Variants in MEIG1 observed in about 807,000 individuals in gnomAD.
MEIG1 encodes meiosis expressed gene 1 protein homolog.
MEIG1 carries 12 observed loss-of-function variants against 11.3 expected under a neutral mutation model. The ratio of observed to expected loss-of-function variants is 1.07; its 90% confidence interval spans 0.68 to 1.73. MEIG1 has a LOEUF of 1.73. Ranked by LOEUF, MEIG1 falls within the 40% of genes most tolerant of loss-of-function variation. The probability of loss-of-function intolerance (pLI) is 0.00; values close to 1 mark genes in which losing one functional copy is unlikely to be tolerated. For missense variants in MEIG1, 119 were observed against 104.9 expected (o/e 1.13, Z -0.59); for synonymous variants, 41 against 33.2 (o/e 1.24, Z -0.81).
chr10:14,977,254 A>C (rs1009119159), downstream of MEIG1, among the ~76,000 whole-genome samples: 5 of 151,998 alleles, frequency 3.3e-5, no homozygotes, highest in African/African-American at 1.2e-4. Flanking sequence ...TGATACTCCC[A>C]ATGTCACAGA....
In MEIG1 at chr10:14,961,638, A is replaced by ATTTTTTTTTTTTTTTTTTT. The variant is rs34536061; in HGVS notation, c.-30+2084_-30+2102dup. Reference sequence around the variant, plus strand: ...AGGCAGCCGCCACCGCATCCGGCTAATTTTTTTTTTTTTTTTTTTTTAGTA... The same window carrying ATTTTTTTTTTTTTTTTTTT: ...AGGCAGCCGCCACCGCATCCGGCTAATTTTTTTTTTTTTTTTTTTTTTTTTTTTTTTTTTTTTTTTAGTA... On this transcript the variant is annotated intron_variant, in intron 1 of 2. Coordinates refer to ENST00000407572, the MANE Select transcript of MEIG1 (RefSeq NM_001080836.3). Among the ~76,000 whole-genome samples, 80 of 76,594 alleles carry ATTTTTTTTTTTTTTTTTTT rather than the reference A, an allele frequency of 1.0e-3. 16 individuals carry two copies. The highest frequency in any genetic ancestry group is 7.2e-3 in the East Asian group (21 of 2,900). 50.2% of individuals were successfully genotyped at this position (76,594 alleles called of 152,430 possible).
At chr10:14,981,030 G>A (rs765414784) in intron 1 of MEIG1, among the ~76,000 whole-genome samples, 6 of 152,146 alleles carry the variant, frequency 3.9e-5, no homozygotes, top group Non-Finnish European at 7.3e-5. Flanking sequence ...CAGGAGGGGA[G>A]TGTTCCATGG....
chr10:14,979,001 G>A lies in MEIG1; in HGVS notation n.66+6381G>A, dbSNP rs192422520. Reference sequence around the variant, plus strand: ...GTGACATAAATTAATGTCACCCGGCGTGTACACCTTGTGATATTATTCGTA... The same window carrying A: ...GTGACATAAATTAATGTCACCCGGCATGTACACCTTGTGATATTATTCGTA... On this transcript the variant is annotated intron_variant and non_coding_transcript_variant, in intron 1 of 2. Transcript: ENST00000467536. Among the ~76,000 whole-genome samples, 794 of 151,960 alleles carry A rather than the reference G, an allele frequency of 5.2e-3. 4 individuals are homozygous for A. The highest frequency in any genetic ancestry group is 0.018 in the African/African-American group (754 of 41,414).
intron 2 of MEIG1, among the ~76,000 whole-genome samples, chr10:14,972,099 C>G (rs1434780510): frequency 6.6e-6 from 1 of 151,986 alleles, no homozygotes; most frequent in Non-Finnish European, 1.5e-5. Flanking sequence ...ACTGCAACCC[C>G]TGCCTCCAGA....
upstream of MEIG1, among the ~76,000 whole-genome samples, chr10:14,956,655 A>T (rs1440079596): frequency 6.6e-6 from 1 of 152,222 alleles, no homozygotes; most frequent in Non-Finnish European, 1.5e-5. Flanking sequence ...AAGCTGCTGC[A>T]ATACTGCAGG....
chr10:14,956,672 G>GA (rs1161012759), upstream of MEIG1, among the ~76,000 whole-genome samples: 2 of 152,222 alleles, frequency 1.3e-5, no homozygotes, highest in African/African-American at 4.8e-5. Flanking sequence ...CAGGAAATGT[G>GA]ATGGTGAAGC....
chr10:14,965,127 T>C (rs544069429), intron 1 of MEIG1, among the ~76,000 whole-genome samples: 1 of 152,234 alleles, frequency 6.6e-6, no homozygotes, highest in East Asian at 1.9e-4. Flanking sequence ...CTTTTAAACA[T>C]AATGAGCATT....
At chr10:14,970,629 C>G (rs116194002) in intron 2 of MEIG1, 1 of 152,214 alleles carries the variant, frequency 6.6e-6, no homozygotes, top group African/African-American at 2.4e-5. Context: ...GAAGGCCTGC[C>G]AAGGCTTCTC....
chr10:14,958,314 T>G (rs755037309), upstream of MEIG1, among the ~76,000 whole-genome samples: 8 of 152,366 alleles, frequency 5.3e-5, no homozygotes, highest in Non-Finnish European at 8.8e-5. Flanking sequence ...GTTTTTTGTT[T>G]TTAGTTTTAC....
chr10:14,975,795 G>A (rs1843203632), downstream of MEIG1, among the ~76,000 whole-genome samples: 2 of 152,086 alleles, frequency 1.3e-5, no homozygotes, highest in South Asian at 2.1e-4. Flanking sequence ...CGCATGGGAT[G>A]GACACGCCCC....
intron 2 of MEIG1, among the ~76,000 whole-genome samples, chr10:14,969,273 C>A (rs1165734020): frequency 6.6e-6 from 1 of 150,922 alleles, no homozygotes; most frequent in African/African-American, 2.4e-5. Context: ...ATAGTGAGAA[C>A]CCATTTCTAC....
intron 1 of MEIG1, among the ~76,000 whole-genome samples, chr10:14,981,864 G>C (rs1458087898): frequency 6.6e-6 from 1 of 152,182 alleles, no homozygotes; most frequent in Non-Finnish European, 1.5e-5. Flanking sequence ...TCTTTGGGGG[G>C]ACCCCTCTGA....
intron 1 of MEIG1, among the ~76,000 whole-genome samples, chr10:14,984,262 G>T (rs1009937594): frequency 5.3e-5 from 8 of 151,598 alleles, no homozygotes; most frequent in Non-Finnish European, 1.0e-4. Flanking sequence ...GGAGAGGGGG[G>T]TGATATTACT....
Position 14,972,803 on chromosome 10 carries a change from T to A in MEIG1, c.*162T>A. 1.6e-6 allele frequency: 1 copy of A among 635,820 alleles called. No homozygotes were observed. Among genetic ancestry groups the A allele is most frequent in the South Asian group, 2.0e-5 (1 of 48,936 alleles). 39.4% of individuals were successfully genotyped at this position (635,820 alleles called of 1,614,324 possible). ...GAATTGGTATCTGCTAATCACCTTG[T>A]CCTGTTCTAAGAACTGGCTGCAGAT... On this transcript the variant is annotated 3_prime_UTR_variant, in exon 3 of 3. Coordinates refer to ENST00000407572, the MANE Select transcript of MEIG1 (RefSeq NM_001080836.3).
chr10:14,978,643 C>T (rs533224548), intron 1 of MEIG1, among the ~76,000 whole-genome samples: 10 of 152,042 alleles, frequency 6.6e-5, no homozygotes, highest in Admixed American at 1.3e-4. Flanking sequence ...CGATAGTATT[C>T]GTAGTCTCCT....
Position 14,972,763 on chromosome 10 carries a change from A to T in MEIG1, c.*122A>T. ...AGTCTGCAGTTTAATGTTTTGTGAA[A>T]CACAAAAGCCATGAGAATTGGTATC... On this transcript the variant is annotated 3_prime_UTR_variant, in exon 3 of 3. Coordinates refer to ENST00000407572, the MANE Select transcript of MEIG1 (RefSeq NM_001080836.3). The T allele has an allele frequency of 3.1e-6, 3 of 983,372 alleles. No individual in the cohort carries two copies. Among genetic ancestry groups the T allele is most frequent in the Non-Finnish European group, 4.4e-6 (3 of 687,446 alleles). 60.9% of individuals were successfully genotyped at this position (983,372 alleles called of 1,614,324 possible).
intron 1 of MEIG1, among the ~76,000 whole-genome samples, chr10:14,962,908 C>G (rs1843031994): frequency 6.6e-6 from 1 of 151,814 alleles, no homozygotes; most frequent in South Asian, 2.1e-4. Flanking sequence ...GAATTACAGG[C>G]ATGCGCCACC....
At chr10:14,975,100 T>C (rs7912346), downstream of MEIG1, among the ~76,000 whole-genome samples, 102,765 of 151,810 alleles carry the variant, frequency 0.68, 34,962 homozygotes, top group African/African-American at 0.7. Flanking sequence ...ACTCCCAATA[T>C]AGCACTGGGT....
At chr10:14,966,738 T>C in intron 2 of MEIG1, 132 bp downstream of exon 2, 1 of 888,084 alleles carries the variant, frequency 1.1e-6, no homozygotes, top group Non-Finnish European at 1.7e-6. Context: ...TTTTCTTTTA[T>C]TTACTTTTAT....
Sources: allele counts gnomAD v4.1 joint callset (sites outside exome capture counted in the v4.1 genomes callset), GRCh38; gene constraint gnomAD v4.1.1; transcripts MANE v1.5; gene names NCBI Gene and HGNC (gene_info 2026-07-23, HGNC 2026-07-21).